Variants in CPED1 observed in about 807,000 individuals in gnomAD.
CPED1 encodes cadherin-like and PC-esterase domain-containing protein 1.
A neutral mutation model predicts 128.2 loss-of-function variants in CPED1; 114 were observed. The observed-to-expected ratio is 0.89, with a 90% CI of 0.76 to 1.04. CPED1 has a LOEUF of 1.04. Ranked by LOEUF, CPED1 falls within the 50% of genes least tolerant of loss-of-function variation. The pLI, the probability that CPED1 is intolerant of heterozygous loss-of-function variation, is 0.00. For missense variants in CPED1, 1,211 were observed against 1,207.1 expected (o/e 1.00, Z -0.05); for synonymous variants, 462 against 426.7 (o/e 1.08, Z -1.02).
rs115577531 is a variant in CPED1, at chr7:121,009,784, A to T, written c.250-5881A>T. 3.4e-3 allele frequency among the ~76,000 whole-genome samples: 522 copies of T among 152,294 alleles called. 1 individual carries two copies. The highest frequency in any genetic ancestry group is 0.012 in the African/African-American group (494 of 41,562). ...AGACCACAATGTCTAAGATATGGCCATTGGAGCAGGTGTTTGAAACGAAGT... is the reference window on the plus strand; with the variant it reads ...AGACCACAATGTCTAAGATATGGCCTTTGGAGCAGGTGTTTGAAACGAAGT... On this transcript the variant is annotated intron_variant, in intron 2 of 22. Coordinates refer to ENST00000310396, the MANE Select transcript of CPED1 (RefSeq NM_024913.5).
chr7:121,182,775 C>G (rs1796927052), intron 16 of CPED1, among the ~76,000 whole-genome samples: 1 of 151,974 alleles, frequency 6.6e-6, no homozygotes, highest in Non-Finnish European at 1.5e-5. Context: ...CTTACCTTGT[C>G]TCTGTGATGG....
chr7:121,084,604 T>A lies in CPED1; in HGVS notation c.617-13095T>A, dbSNP rs979354634. Among the ~76,000 whole-genome samples, 3 of 152,352 alleles carry A rather than the reference T, an allele frequency of 2.0e-5. No individual in the cohort carries two copies. The East Asian group carries it at 5.8e-4, about 29-fold the overall frequency. Reference sequence around the variant, plus strand: ...AAGTCACAAATAAAGCAAAGCTTAGTGTCCCCTTGCTTGGCCATGGAATTT... The same window carrying A: ...AAGTCACAAATAAAGCAAAGCTTAGAGTCCCCTTGCTTGGCCATGGAATTT... On this transcript the variant is annotated intron_variant, in intron 5 of 22. Transcript: ENST00000310396.
chr7:121,225,134 G>T (rs574129910), intron 16 of CPED1, among the ~76,000 whole-genome samples: 84 of 152,126 alleles, frequency 5.5e-4, no homozygotes, highest in Non-Finnish European at 1.0e-3. Flanking sequence ...TCCATGTTTA[G>T]TGCTTCCTTC....
At chr7:121,082,814 TAAATAAGA>T (rs1794326549) in intron 5 of CPED1, among the ~76,000 whole-genome samples, 1 of 152,208 alleles carries the variant, frequency 6.6e-6, no homozygotes, top group Non-Finnish European at 1.5e-5. Context: ...GTCTGTCTTA[TAAATAAGA>T]AAATAAGAAA....
At chr7:121,079,813 A>T (rs1382859748) in intron 5 of CPED1, among the ~76,000 whole-genome samples, 1 of 152,214 alleles carries the variant, frequency 6.6e-6, no homozygotes, top group Non-Finnish European at 1.5e-5. Flanking sequence ...TTCTATACTT[A>T]TGTTGTCCTG....
chr7:121,145,360 G>A (rs1487741503), intron 16 of CPED1, among the ~76,000 whole-genome samples: 1 of 151,930 alleles, frequency 6.6e-6, no homozygotes, highest in African/African-American at 2.4e-5. Context: ...AAATTCTTGT[G>A]GGATGAATCC....
chr7:121,191,922 C>T (rs1323721433), intron 16 of CPED1, among the ~76,000 whole-genome samples: 1 of 152,012 alleles, frequency 6.6e-6, no homozygotes, highest in Non-Finnish European at 1.5e-5. Context: ...GATCTCTTGT[C>T]TAGGTGGCAG....
intron 2 of CPED1, among the ~76,000 whole-genome samples, chr7:120,995,668 G>A (rs1162787154): frequency 6.6e-6 from 1 of 151,952 alleles, no homozygotes; most frequent in Non-Finnish European, 1.5e-5. Flanking sequence ...CTATTTCCAT[G>A]AATAGGACCT....
intron 16 of CPED1, among the ~76,000 whole-genome samples, chr7:121,155,263 A>G (rs1563048346): frequency 6.6e-6 from 1 of 152,246 alleles, no homozygotes; most frequent in Non-Finnish European, 1.5e-5. Flanking sequence ...AAGAATTAAT[A>G]TTGTTAAAAT....
At chr7:120,996,951 A>T (rs1796417105) in intron 2 of CPED1, among the ~76,000 whole-genome samples, 1 of 152,206 alleles carries the variant, frequency 6.6e-6, no homozygotes, top group African/African-American at 2.4e-5. Flanking sequence ...TGATCCTGGC[A>T]TGTTCCAACA....
intron 16 of CPED1, among the ~76,000 whole-genome samples, chr7:121,148,061 A>C (rs578226840): frequency 2.0e-5 from 3 of 152,286 alleles, no homozygotes; most frequent in African/African-American, 7.2e-5. Context: ...GAGTGCATTT[A>C]TCAGTAATTA....
chr7:121,059,841 C>T (rs1715038336), intron 4 of CPED1, among the ~76,000 whole-genome samples: 1 of 152,232 alleles, frequency 6.6e-6, no homozygotes, highest in African/African-American at 2.4e-5. Flanking sequence ...GCTCTCGGCG[C>T]CTCCTCTGCC....
intron 7 of CPED1, among the ~76,000 whole-genome samples, chr7:121,107,626 G>A (rs1158146628): frequency 6.6e-6 from 1 of 151,982 alleles, no homozygotes; most frequent in East Asian, 1.9e-4. Context: ...AATAATGGCA[G>A]TAATTGTCTC....
chr7:121,102,941 C>CT (rs1264809818), intron 7 of CPED1, among the ~76,000 whole-genome samples: 1 of 152,072 alleles, frequency 6.6e-6, no homozygotes, highest in African/African-American at 2.4e-5. Flanking sequence ...TTCACCTGGG[C>CT]TAGTGAATCA....
rs1563037632 is a variant in CPED1, at chr7:121,129,329, A to ACG, written c.1408-796_1408-795insCG. On this transcript the variant is annotated intron_variant, in intron 11 of 22. Coordinates refer to ENST00000310396, the MANE Select transcript of CPED1 (RefSeq NM_024913.5). ...TATATATACGTATATATATATATAT[A>ACG]TATATACGTATATATATATATACAT... Among the ~76,000 whole-genome samples the ACG allele has an allele frequency of 1.2e-3, 162 of 131,556 alleles. 1 individual carries two copies. The highest frequency in any genetic ancestry group is 2.0e-3 in the Non-Finnish European group (118 of 60,368). 86.3% of individuals were successfully genotyped at this position (131,556 alleles called of 152,430 possible).
intron 16 of CPED1, among the ~76,000 whole-genome samples, chr7:121,192,887 A>G (rs1190800106): frequency 6.6e-6 from 1 of 152,184 alleles, no homozygotes; most frequent in Non-Finnish European, 1.5e-5. Flanking sequence ...GGAGAAGCAG[A>G]GCACTTCCCC....
At chr7:121,130,089 T>C (rs778752708) in intron 11 of CPED1, 36 bp from the exon 12 acceptor site, 2 of 1,541,836 alleles carry the variant, frequency 1.3e-6, no homozygotes, top group South Asian at 2.3e-5. Flanking sequence ...TTATAATTTG[T>C]TTTCCATAAC....
intron 17 of CPED1, among the ~76,000 whole-genome samples, chr7:121,239,402 C>T (rs971317344): frequency 5.9e-5 from 9 of 151,546 alleles, no homozygotes; most frequent in Non-Finnish European, 1.3e-4. Context: ...AAGATACAAC[C>T]TAGAATTAAA....
intron 17 of CPED1, 64 bp downstream of exon 17, chr7:121,236,895 C>T (rs1798272021): frequency 2.8e-6 from 2 of 719,662 alleles, no homozygotes; most frequent in South Asian, 2.4e-5. Context: ...TAAGTGTATG[C>T]TTATTTAAAC....
Sources: gnomAD v4.1 joint callset for allele counts (sites outside exome capture counted in the v4.1 genomes callset) on GRCh38, gnomAD v4.1.1 for gene constraint, MANE v1.5 for transcripts, NCBI Gene and HGNC (gene_info 2026-07-23, HGNC 2026-07-21) for gene names.